AGBL4: variants seen among roughly 807,000 people sequenced by gnomAD.
The protein encoded by AGBL4 is AGBL carboxypeptidase 4.
A neutral mutation model predicts 66.4 loss-of-function variants in AGBL4; 58 were observed. That is an observed-to-expected ratio of 0.87 (90% CI 0.71 to 1.09). The LOEUF (loss-of-function observed/expected upper bound fraction) is 1.09, where lower values mean the gene tolerates loss of function less well. Among genes scored for constraint, AGBL4 ranks in the 50% least tolerant of loss-of-function variants. The probability of loss-of-function intolerance (pLI) is 0.00; values close to 1 mark genes in which losing one functional copy is unlikely to be tolerated. For synonymous variants in AGBL4, 234 were observed against 222.9 expected, an observed-to-expected ratio of 1.05 and a Z score of -0.44; for missense variants, 579 against 631.0, an observed-to-expected ratio of 0.92 and a Z score of 0.88.
At chr1:48,720,627 T>C (rs1228929687) in intron 6 of AGBL4, among the ~76,000 whole-genome samples, 1 of 152,200 alleles carries the variant, frequency 6.6e-6, no homozygotes, top group East Asian at 1.9e-4. Flanking sequence ...TGCTACCACA[T>C]AGTAAATGTT....
chr1:48,776,523 T>TC, intron 6 of AGBL4: 4 of 1,011,074 alleles, frequency 4.0e-6, no homozygotes, highest in Non-Finnish European at 2.7e-6. Flanking sequence ...CTCCCCCCGG[T>TC]CCCCTCCGCC....
chr1:49,524,519 A>C (rs1650508046), intron 3 of AGBL4, among the ~76,000 whole-genome samples: 1 of 152,150 alleles, frequency 6.6e-6, no homozygotes, highest in Admixed American at 6.5e-5. Flanking sequence ...GATGTATTAT[A>C]GTTAAGGTTC....
intron 6 of AGBL4, among the ~76,000 whole-genome samples, chr1:48,666,538 A>G (rs1646191033): frequency 6.6e-6 from 1 of 152,256 alleles, no homozygotes; most frequent in Non-Finnish European, 1.5e-5. Context: ...GCACACACAC[A>G]TACACAGACA....
intron 3 of AGBL4, among the ~76,000 whole-genome samples, chr1:49,261,082 G>T (rs1205155727): frequency 1.3e-5 from 2 of 152,190 alleles, no homozygotes; most frequent in Admixed American, 6.5e-5. Context: ...AATAGATGCA[G>T]AAAAGTCCTT....
intron 3 of AGBL4, among the ~76,000 whole-genome samples, chr1:49,514,175 T>C (rs1649539839): frequency 6.6e-6 from 1 of 151,904 alleles, no homozygotes; most frequent in East Asian, 1.9e-4. Context: ...ACAGGGACAA[T>C]TTGACTTCCT....
At chr1:49,281,566 C>T (rs1220500341) in intron 3 of AGBL4, among the ~76,000 whole-genome samples, 1 of 152,228 alleles carries the variant, frequency 6.6e-6, no homozygotes, top group Non-Finnish European at 1.5e-5. Context: ...GAGTCAGACT[C>T]TTTACTCAAC....
chr1:48,598,871 A>G (rs1198640440), intron 9 of AGBL4, among the ~76,000 whole-genome samples: 1 of 152,152 alleles, frequency 6.6e-6, no homozygotes, highest in African/African-American at 2.4e-5. Flanking sequence ...AATTTTTTAA[A>G]CTTTTTGACT....
chr1:48,619,415 T>C (rs993950694), intron 9 of AGBL4, among the ~76,000 whole-genome samples: 1 of 152,190 alleles, frequency 6.6e-6, no homozygotes, highest in Non-Finnish European at 1.5e-5. Flanking sequence ...TTTCTCACCT[T>C]AGAAATGGGG....
At chr1:49,898,102 A>G (rs1235831910) in intron 1 of AGBL4, among the ~76,000 whole-genome samples, 2 of 152,166 alleles carry the variant, frequency 1.3e-5, no homozygotes, top group Non-Finnish European at 2.9e-5. Flanking sequence ...CAAAGCAAAA[A>G]TGAACAAATG....
At chr1:48,901,481 C>T (rs887857026) in intron 5 of AGBL4, among the ~76,000 whole-genome samples, 9 of 152,092 alleles carry the variant, frequency 5.9e-5, no homozygotes, top group Non-Finnish European at 1.2e-4. Context: ...TGCACCAATT[C>T]GAACCTGGAA....
chr1:49,883,522 A>G (rs1647658376), intron 1 of AGBL4, among the ~76,000 whole-genome samples: 1 of 152,068 alleles, frequency 6.6e-6, no homozygotes, highest in Non-Finnish European at 1.5e-5. Context: ...ATCTCTTTTT[A>G]TCACTACTTT....
At chr1:48,772,792 T>C (rs1644901652) in intron 6 of AGBL4, among the ~76,000 whole-genome samples, 1 of 152,234 alleles carries the variant, frequency 6.6e-6, no homozygotes. Flanking sequence ...CTGACCTGAA[T>C]GCAGGCAGTG....
chr1:48,754,561 G>T (rs552998817), intron 6 of AGBL4, among the ~76,000 whole-genome samples: 1 of 152,290 alleles, frequency 6.6e-6, no homozygotes, highest in Non-Finnish European at 1.5e-5. Context: ...ATTTGGGGGA[G>T]GAGGGGCAGG....
chr1:48,727,800 G>A (rs896174475), intron 6 of AGBL4: 84 of 1,326,634 alleles, frequency 6.3e-5, no homozygotes, highest in Admixed American at 2.8e-4. Flanking sequence ...CACCATGCAC[G>A]GTGGGGTCTG....
intron 3 of AGBL4, among the ~76,000 whole-genome samples, chr1:49,285,823 A>G (rs562534914): frequency 2.0e-4 from 30 of 152,356 alleles, no homozygotes; most frequent in Admixed American, 1.5e-3. Context: ...AACTATTCCA[A>G]TCAATAGAAA....
chr1:48,931,463 A>G (rs1655027868), intron 5 of AGBL4, among the ~76,000 whole-genome samples: 2 of 152,164 alleles, frequency 1.3e-5, no homozygotes, highest in South Asian at 4.1e-4. Flanking sequence ...TATCTCAAGT[A>G]GCCCTTAACC....
intron 2 of AGBL4, among the ~76,000 whole-genome samples, chr1:49,773,123 G>C (rs890379515): frequency 1.3e-5 from 2 of 151,854 alleles, no homozygotes; most frequent in African/African-American, 2.4e-5. Flanking sequence ...CATTGTTGAC[G>C]GTCTCCATTG....
rs1156421670 is a variant in AGBL4 at position 49,973,576 on chromosome 1, T to C, written c.34+50187A>G. On this transcript the variant is annotated intron_variant, in intron 1 of 13. Transcript: ENST00000371839. ...TCTATTTTACATATATAATTATATA[T>C]TGTTATATATTATCCTATATATTGT... 2.0e-5 allele frequency among the ~76,000 whole-genome samples: 3 copies of C among 148,386 alleles called. No individual in the cohort carries two copies. In the East Asian group the frequency reaches 5.8e-4, roughly 29 times the overall value.
intron 3 of AGBL4, among the ~76,000 whole-genome samples, chr1:49,304,826 GTTATATTTAATGTACCCATA>G (rs1644821045): frequency 6.6e-6 from 1 of 152,064 alleles, no homozygotes; most frequent in South Asian, 2.1e-4. Context: ...AGTATAAACT[GTTATATTTAATGTACCCATA>G]TTTGGCCACA....
Sources: gnomAD v4.1 joint callset for allele counts (sites outside exome capture counted in the v4.1 genomes callset) on GRCh38, gnomAD v4.1.1 for gene constraint, MANE v1.5 for transcripts, NCBI Gene and HGNC (gene_info 2026-07-23, HGNC 2026-07-21) for gene names.